Variants in MCCC2 observed in about 807,000 individuals in gnomAD.
The protein encoded by MCCC2 is methylcrotonoyl-CoA carboxylase beta chain, mitochondrial.
A neutral mutation model predicts 77.2 loss-of-function variants in MCCC2; 52 were observed. The ratio of observed to expected loss-of-function variants is 0.67; its 90% CI spans 0.54 to 0.85. The LOEUF is 0.85. Among genes scored for constraint, MCCC2 ranks in the 40% least tolerant of loss-of-function variants. The pLI, the probability that MCCC2 is intolerant of heterozygous loss-of-function variation, is 0.00. For missense variants in MCCC2, 682 were observed against 703.2 expected, an observed-to-expected ratio of 0.97 and a Z score of 0.34; for synonymous variants, 253 against 248.4, an observed-to-expected ratio of 1.02 and a Z score of -0.18.
chr5:71,616,676 T>C lies in MCCC2; in HGVS notation c.625-9964T>C, dbSNP rs139397307. ...TGCTAGCACTACCTTGCTCTTTCCC[T>C]AGGACTTGATGTCATCCTTGGCTCT... is the stretch of plus-strand genomic sequence containing the variant. On this transcript the variant is annotated intron_variant, in intron 6 of 16. Coordinates refer to ENST00000340941, the MANE Select transcript of MCCC2 (RefSeq NM_022132.5). 9.5e-3 allele frequency among the ~76,000 whole-genome samples: 1,447 copies of C among 152,326 alleles called. 25 individuals carry two copies. Among genetic ancestry groups the C allele is most frequent in the African/African-American group, 0.033 (1,380 of 41,568 alleles).
At position 71,650,073 on chromosome 5, in the gene MCCC2, A is replaced by G; in HGVS notation, c.1378A>G (p.Arg460Gly). ...YGMCGRAYSP[R>G]FLYIWPNARI... ...TTCTTCCTTTTCTTCCCCCAGCCCAAGATTTCTCTACATTTGGCCAAATGC... is the reference window on the plus strand; with the variant it reads ...TTCTTCCTTTTCTTCCCCCAGCCCAGGATTTCTCTACATTTGGCCAAATGC... The change falls in exon 15 of 17, where the codon AGA (arginine) becomes GGA (glycine). Residue 460 changes from arginine to glycine, a missense_variant. By Grantham distance (125) the Arg-to-Gly change is moderately radical. Coordinates refer to ENST00000340941, the MANE Select transcript of MCCC2 (RefSeq NM_022132.5). 6.2e-7 allele frequency: 1 copy of G among 1,613,682 alleles called. No individual in the cohort carries two copies. Among genetic ancestry groups the G allele is most frequent in the Non-Finnish European group, 8.5e-7 (1 of 1,179,562 alleles).
At chr5:71,590,752 G>A (rs1744942473) in intron 1 of MCCC2, among the ~76,000 whole-genome samples, 1 of 152,036 alleles carries the variant, frequency 6.6e-6, no homozygotes, top group Non-Finnish European at 1.5e-5. Flanking sequence ...GGGAGGCGGA[G>A]GTTGCAGTGA....
chr5:71,642,061 G>A (rs1272837593), intron 11 of MCCC2, among the ~76,000 whole-genome samples: 1 of 152,172 alleles, frequency 6.6e-6, no homozygotes, highest in Non-Finnish European at 1.5e-5. Flanking sequence ...AAAGATGGAT[G>A]GGCTGTCTTT....
intron 6 of MCCC2, among the ~76,000 whole-genome samples, chr5:71,611,875 G>A (rs1485065861): frequency 2.0e-5 from 3 of 147,866 alleles, no homozygotes; most frequent in Admixed American, 6.9e-5. Flanking sequence ...TGCAAACTTT[G>A]CCTCCCGGGT....
intron 3 of MCCC2, among the ~76,000 whole-genome samples, chr5:71,597,863 G>A (rs1264464306): frequency 6.6e-6 from 1 of 152,126 alleles, no homozygotes; most frequent in Non-Finnish European, 1.5e-5. Context: ...TCTTGACCAT[G>A]TAAGTAAGTG....
At chr5:71,650,713 ATCTCGGCTC>A (rs1747415159) in intron 15 of MCCC2, among the ~76,000 whole-genome samples, 1 of 152,136 alleles carries the variant, frequency 6.6e-6, no homozygotes. Context: ...CAGTGGCACG[ATCTCGGCTC>A]ACTGCAAGCT....
chr5:71,620,477 G>A (rs1405139706), intron 6 of MCCC2, among the ~76,000 whole-genome samples: 1 of 152,050 alleles, frequency 6.6e-6, no homozygotes, highest in African/African-American at 2.4e-5. Context: ...TCTATGAATT[G>A]GATAGTATTC....
chr5:71,652,844 C>A, intron 16 of MCCC2, 90 bp downstream of exon 16: 1 of 1,070,850 alleles, frequency 9.3e-7, no homozygotes, highest in Non-Finnish European at 1.4e-6. Flanking sequence ...TGAGATGGTC[C>A]AGCATTCATA....
chr5:71,622,998 G>A (rs777193443), intron 6 of MCCC2, among the ~76,000 whole-genome samples: 1 of 151,890 alleles, frequency 6.6e-6, no homozygotes, highest in Non-Finnish European at 1.5e-5. Context: ...TCTGCAGTAC[G>A]TTTCATAAAC....
chr5:71,643,042 C>A (rs1483492478), intron 11 of MCCC2, among the ~76,000 whole-genome samples: 1 of 150,620 alleles, frequency 6.6e-6, no homozygotes, highest in African/African-American at 2.4e-5. Flanking sequence ...TTTAAAAAGT[C>A]ATAAACCCAG....
intron 6 of MCCC2, among the ~76,000 whole-genome samples, chr5:71,621,837 A>G (rs992497707): frequency 2.0e-5 from 3 of 152,196 alleles, no homozygotes; most frequent in East Asian, 3.8e-4. Flanking sequence ...TGATAGCACA[A>G]CTGGATGACT....
chr5:71,587,691 A>T, intron 1 of MCCC2, 137 bp downstream of exon 1: 1 of 1,218,722 alleles, frequency 8.2e-7, no homozygotes, highest in Non-Finnish European at 1.1e-6. Context: ...TTTGAAGAAG[A>T]AAAGCCTAAC....
intron 7 of MCCC2, among the ~76,000 whole-genome samples, chr5:71,629,319 A>T (rs1746635861): frequency 6.6e-6 from 1 of 152,150 alleles, no homozygotes. Context: ...GTTGCCAGGG[A>T]CTAGGAGGAG....
intron 10 of MCCC2, chr5:71,636,271 C>A: frequency 5.9e-6 from 1 of 170,228 alleles, no homozygotes; most frequent in East Asian, 1.8e-4. Flanking sequence ...GTCTTAAATC[C>A]TGGATTTTAT....
At chr5:71,604,508 C>T (rs1339531990) in intron 6 of MCCC2, 40 bp downstream of exon 6, 29 of 1,447,948 alleles carry the variant, frequency 2.0e-5, no homozygotes, top group Non-Finnish European at 2.8e-5. Context: ...GTGCTTTTTA[C>T]TCTTAAGTAT....
chr5:71,591,661 TC>T (rs1744988670), intron 1 of MCCC2, among the ~76,000 whole-genome samples: 1 of 152,122 alleles, frequency 6.6e-6, no homozygotes, highest in Admixed American at 6.5e-5. Context: ...GGTCTCGAAC[TC>T]CCGACCGTAG....
chr5:71,656,790 T>TGG lies in MCCC2; in HGVS notation c.1624_1625dup (p.Leu543ValfsTer12). 1.2e-6 allele frequency: 2 copies of TGG among 1,614,178 alleles called. No individual in the cohort carries two copies. Among genetic ancestry groups the TGG allele is most frequent in the East Asian group, 4.5e-5 (2 of 44,880 alleles). On this transcript the variant is annotated frameshift_variant, in exon 17 of 17. Transcript: ENST00000340941. LOFTEE classifies it high-confidence loss of function. ...GATCCAGCAGACACCAGACTGGTCT[T>TGG]GGGTCTCAGTTTTAGTGCAGCCCTC...
At chr5:71,622,881 C>T (rs959276944) in intron 6 of MCCC2, among the ~76,000 whole-genome samples, 3 of 152,220 alleles carry the variant, frequency 2.0e-5, no homozygotes, top group South Asian at 2.1e-4. Context: ...CGGAGGCGGG[C>T]GGATCATGAG....
At chr5:71,623,099 A>G (rs1746410625) in intron 6 of MCCC2, among the ~76,000 whole-genome samples, 1 of 152,258 alleles carries the variant, frequency 6.6e-6, no homozygotes, top group African/African-American at 2.4e-5. Context: ...GAAGAACAAC[A>G]ATAGAAAAGT....
Sources: gnomAD v4.1 joint callset for allele counts (sites outside exome capture counted in the v4.1 genomes callset) on GRCh38, gnomAD v4.1.1 for gene constraint, MANE v1.5 for transcripts, NCBI Gene and HGNC (gene_info 2026-07-23, HGNC 2026-07-21) for gene names.